FAT1: variants seen among roughly 807,000 people sequenced by gnomAD.
The protein encoded by FAT1 is FAT atypical cadherin 1.
FAT1 carries 171 observed loss-of-function variants against 329.8 expected under a neutral mutation model. The ratio of observed to expected loss-of-function variants is 0.52; its 90% confidence interval spans 0.46 to 0.59. The LOEUF (loss-of-function observed/expected upper bound fraction) is 0.59, where lower values mean the gene tolerates loss of function less well. Among genes scored for constraint, FAT1 ranks in the 20% least tolerant of loss-of-function variants. The pLI is 0.00. For synonymous variants in FAT1, 2,233 were observed against 2,228.6 expected, an observed-to-expected ratio of 1.00 and a Z score of -0.06; for missense variants, 5,672 against 5,774.4, an observed-to-expected ratio of 0.98 and a Z score of 0.57.
Position 186,708,752 on chromosome 4 carries a change from T to C in FAT1, c.1076A>G (p.Gln359Arg), listed in dbSNP as rs1412533310. The C allele has an allele frequency of 5.0e-6, 8 of 1,614,006 alleles. No homozygotes were observed. Among genetic ancestry groups the C allele is most frequent in the Non-Finnish European group, 6.8e-6 (8 of 1,179,884 alleles). ...SVKVIHVTSP[Q>R]FKAGPVKFEK... ...AAACTTGACTGGCCCGGCTTTGAAC[T>C]GTGGAGAAGTCACGTGAATGACTTT... The change falls in exon 2 of 27, where the codon CAG (glutamine) becomes CGG (arginine). Residue 359 changes from glutamine (Q) to arginine (R), a missense_variant. Coordinates refer to ENST00000441802, the MANE Select transcript of FAT1 (RefSeq NM_005245.4).
At chr4:186,659,010 A>G (rs2126608642) in intron 3 of FAT1, among the ~76,000 whole-genome samples, 1 of 152,360 alleles carries the variant, frequency 6.6e-6, no homozygotes, top group Admixed American at 6.5e-5. Context: ...TCAGTTAACC[A>G]CGGGCTGCAT....
At chr4:186,654,054 A>G (rs1741790938) in intron 3 of FAT1, among the ~76,000 whole-genome samples, 1 of 152,178 alleles carries the variant, frequency 6.6e-6, no homozygotes, top group Non-Finnish European at 1.5e-5. Context: ...TGGCTCCACA[A>G]CCACATTTAC....
At chr4:186,678,675 G>A (rs989807273) in intron 2 of FAT1, among the ~76,000 whole-genome samples, 1 of 150,540 alleles carries the variant, frequency 6.6e-6, no homozygotes, top group Admixed American at 6.6e-5. Flanking sequence ...ATATACATAG[G>A]CCTGCATATA....
chr4:186,597,186 A>T lies in FAT1; in HGVS notation c.12369-15T>A, dbSNP rs760729090. The stretch of plus-strand genomic sequence containing the variant: ...CACTCTGACACCTGCCAAGGAAGTC[A>T]GGAATGAGGAGAGACCTCTGTAGCA... On this transcript the variant is annotated splice_polypyrimidine_tract_variant and intron_variant, in intron 24 of 26. Coordinates refer to ENST00000441802, the MANE Select transcript of FAT1 (RefSeq NM_005245.4). The T allele has an allele frequency of 1.3e-6, 2 of 1,582,248 alleles. No individual in the cohort carries two copies. The highest frequency in any genetic ancestry group is 1.7e-6 in the Non-Finnish European group (2 of 1,164,418).
intron 4 of FAT1, 86 bp from the exon 5 acceptor site, chr4:186,637,000 G>T: frequency 8.1e-7 from 1 of 1,227,320 alleles, no homozygotes; most frequent in Non-Finnish European, 1.1e-6. Context: ...CTCCGCATGT[G>T]TGTAAAGCTC....
In FAT1 at chr4:186,595,745, C is replaced by A. The variant is rs2126382376; in HGVS notation, c.13082G>T (p.Ser4361Ile). ...KPSQPYSARE[S>I]LSEVQSLSSF... Reference sequence around the variant, plus strand: ...GCTCAGAGACTGCACTTCAGACAGGCTTTCCCGGGCACTGTATGGCTGGGA... The same window carrying A: ...GCTCAGAGACTGCACTTCAGACAGGATTTCCCGGGCACTGTATGGCTGGGA... The change falls in exon 26 of 27, where the codon AGC (serine) becomes ATC (isoleucine). Residue 4361 changes from serine (S) to isoleucine (I), a missense_variant. By Grantham distance (142) the Ser-to-Ile change is moderately radical. Around this residue, in one of 2 missense-constraint regions of FAT1, gnomAD observed 1,706 missense variants for 1,859.1 expected, o/e 0.92. Coordinates refer to ENST00000441802, the MANE Select transcript of FAT1 (RefSeq NM_005245.4). The A allele has an allele frequency of 6.2e-7, 1 of 1,613,980 alleles. No homozygotes were observed. The highest frequency in any genetic ancestry group is 8.5e-7 in the Non-Finnish European group (1 of 1,179,884).
At chr4:186,604,120 A>C in intron 18 of FAT1, 143 bp from the exon 19 acceptor site, 2 of 728,778 alleles carry the variant, frequency 2.7e-6, no homozygotes, top group Non-Finnish European at 4.4e-6. Context: ...GTATCAAAGA[A>C]AAGGACAAAT....
Position 186,619,570 on chromosome 4 carries a change from GTGC to G in FAT1, c.7013_7015del (p.Ser2338del). 6.2e-7 allele frequency: 1 copy of G among 1,613,936 alleles called. No individual in the cohort carries two copies. Among genetic ancestry groups the G allele is most frequent in the East Asian group, 2.2e-5 (1 of 44,876 alleles). On this transcript the variant is annotated inframe_deletion, in exon 10 of 27. Transcript: ENST00000441802. ...GGTTCTGAGTAGTGAGATGAGGCCA[GTGC>G]TGCTGTCTACATGAAAATGATCATG...
Position 186,621,118 on chromosome 4 carries a change from T to C in FAT1, c.5468A>G (p.Asp1823Gly), listed in dbSNP as rs773295828. Residue 1823 changes from aspartate (D) to glycine (G), a missense_variant, in exon 10 of 27, where the codon GAT becomes GGT. Transcript: ENST00000441802. ...EPSVHTYFAI[D>G]SSTGAIHTVL... Reference sequence around the variant, plus strand: ...TGTATGAATAGCACCAGTGCTAGAATCAATAGCAAAATATGTGTGTACAGA... The same window carrying C: ...TGTATGAATAGCACCAGTGCTAGAACCAATAGCAAAATATGTGTGTACAGA... 5 of 1,613,834 alleles carry C rather than the reference T, an allele frequency of 3.1e-6. No individual in the cohort carries two copies. The highest frequency in any genetic ancestry group is 2.5e-6 in the Non-Finnish European group (3 of 1,179,894).
chr4:186,643,748 C>T (rs943973810), intron 3 of FAT1, among the ~76,000 whole-genome samples: 1 of 152,012 alleles, frequency 6.6e-6, no homozygotes, highest in Non-Finnish European at 1.5e-5. Context: ...TCTGTGTTCA[C>T]ACTCATTCAC....
At chr4:186,594,026 T>C (rs898172886) in intron 26 of FAT1, among the ~76,000 whole-genome samples, 9 of 152,176 alleles carry the variant, frequency 5.9e-5, no homozygotes, top group African/African-American at 1.7e-4. Flanking sequence ...TGGAAGCTAG[T>C]TTTCATAACT....
Position 186,588,179 on chromosome 4 carries a change from T to G in FAT1, c.*413A>C, listed in dbSNP as rs1192050919. On this transcript the variant is annotated 3_prime_UTR_variant, in exon 27 of 27. Coordinates refer to ENST00000441802, the MANE Select transcript of FAT1 (RefSeq NM_005245.4). Reference sequence around the variant, plus strand: ...GATAATGGCACTGACACCACCAAAATTCAGTTGAAACAAATGCACAAAATA... The same window carrying G: ...GATAATGGCACTGACACCACCAAAAGTCAGTTGAAACAAATGCACAAAATA... 4.3e-6 allele frequency: 1 copy of G among 231,736 alleles called. No individual in the cohort carries two copies. The highest frequency in any genetic ancestry group is 8.5e-6 in the Non-Finnish European group (1 of 117,040). The allele number at this position is 231,736 out of a possible 1,614,324, so 14.4% of individuals were successfully genotyped here.
intron 11 of FAT1, among the ~76,000 whole-genome samples, chr4:186,615,018 G>C (rs1051563782): frequency 1.4e-5 from 2 of 145,168 alleles, no homozygotes; most frequent in African/African-American, 5.4e-5. Flanking sequence ...TTAAGATTCT[G>C]TTGATTTTCT....
At chr4:186,686,338 T>C (rs574096344) in intron 2 of FAT1, among the ~76,000 whole-genome samples, 1 of 151,242 alleles carries the variant, frequency 6.6e-6, no homozygotes, top group South Asian at 2.1e-4. Flanking sequence ...TATATTGCAG[T>C]TTTTATGAGA....
intron 1 of FAT1, among the ~76,000 whole-genome samples, chr4:186,714,500 G>A (rs1405114460): frequency 3.3e-5 from 5 of 152,036 alleles, no homozygotes; most frequent in Admixed American, 6.6e-5. Flanking sequence ...GACTCCAGCC[G>A]GCAGATAGAA....
chr4:186,605,228 AAAAAAAAG>A (rs200494982), intron 17 of FAT1, among the ~76,000 whole-genome samples: 1,735 of 148,438 alleles, frequency 0.012, 49 homozygotes, highest in African/African-American at 0.042. Context: ...AAAAAAAAAA[AAAAAAAAG>A]AGGAAGAGAG....
rs1270726472 is a variant in FAT1 at position 186,588,487 on chromosome 4, C to T, written c.*105G>A. The stretch of plus-strand genomic sequence containing the variant: ...AGGATCCAGCGCAGCCATGCCCATT[C>T]GGCTCACCAAAAAAAGCTTGGAAGC... On this transcript the variant is annotated 3_prime_UTR_variant, in exon 27 of 27. Coordinates refer to ENST00000441802, the MANE Select transcript of FAT1 (RefSeq NM_005245.4). 25 of 1,377,162 alleles carry T rather than the reference C, an allele frequency of 1.8e-5. No individual in the cohort carries two copies. The highest frequency in any genetic ancestry group is 2.4e-5 in the East Asian group (1 of 41,794). The allele number at this position is 1,377,162 out of a possible 1,614,324, so 85.3% of individuals were successfully genotyped here. A position where few individuals can be genotyped will look rare whatever the true frequency, so the allele number is the denominator to read the frequency against.
At chr4:186,647,761 A>C (rs1299548939) in intron 3 of FAT1, among the ~76,000 whole-genome samples, 1 of 152,194 alleles carries the variant, frequency 6.6e-6, no homozygotes, top group Admixed American at 6.5e-5. Flanking sequence ...AACTGTAATC[A>C]TAGTATTTTT....
At chr4:186,648,528 C>T (rs1004885580) in intron 3 of FAT1, among the ~76,000 whole-genome samples, 1 of 151,988 alleles carries the variant, frequency 6.6e-6, no homozygotes, top group African/African-American at 2.4e-5. Context: ...TGCTAAGTAT[C>T]CTCTTACTGT....
Sources: allele counts gnomAD v4.1 joint callset (sites outside exome capture counted in the v4.1 genomes callset), GRCh38; gene constraint gnomAD v4.1.1; regional missense constraint gnomAD v4.1.1; transcripts MANE v1.5; gene names NCBI Gene and HGNC (gene_info 2026-07-23, HGNC 2026-07-21).